The following XRCC4 variants were observed in gnomAD, a reference collection of about 807,000 sequenced individuals.
XRCC4 encodes DNA repair protein XRCC4.
Under a neutral mutation model 39.1 loss-of-function variants are expected in XRCC4, and 28 were observed. The ratio of observed to expected loss-of-function variants is 0.72; its 90% CI spans 0.53 to 0.98. XRCC4 has a LOEUF of 0.98. Among genes scored for constraint, XRCC4 ranks in the 50% least tolerant of loss-of-function variants. The pLI is 0.00. For missense variants in XRCC4, 350 were observed against 376.4 expected, an observed-to-expected ratio of 0.93 and a Z score of 0.58; for synonymous variants, 123 against 126.4, an observed-to-expected ratio of 0.97 and a Z score of 0.18.
intron 7 of XRCC4, among the ~76,000 whole-genome samples, chr5:83,312,989 A>C (rs934578163): frequency 1.4e-4 from 22 of 152,130 alleles, no homozygotes; most frequent in African/African-American, 5.3e-4. Context: ...GTTGGCACTC[A>C]AAGGGCAAAA....
At chr5:83,318,009 A>G (rs1755935107) in intron 7 of XRCC4, among the ~76,000 whole-genome samples, 2 of 126,812 alleles carry the variant, frequency 1.6e-5, no homozygotes, top group South Asian at 4.8e-4. Context: ...ATCCACCATG[A>G]TCAAGTGGGC....
rs970728151 is a variant in XRCC4, at chr5:83,352,985, T to C, written c.894-146T>C. The C allele has an allele frequency of 2.2e-5, 13 of 586,554 alleles. No homozygotes were observed. In the African/African-American group the frequency reaches 2.3e-4, roughly 10 times the overall value. The allele number at this position is 586,554 out of a possible 1,614,324, so 36.3% of individuals were successfully genotyped here. ...ATTAGTCTCTTTATCTCTTTCCTTA[T>C]AGTTAATAGCATAGAGAAATAAATC... On this transcript the variant is annotated intron_variant, in intron 7 of 7. Transcript: ENST00000396027.
intron 6 of XRCC4, among the ~76,000 whole-genome samples, chr5:83,224,361 T>C (rs1179207547): frequency 6.6e-6 from 1 of 152,164 alleles, no homozygotes; most frequent in East Asian, 1.9e-4. Flanking sequence ...TTTAAGCTGG[T>C]AGCAGCTTAA....
At chr5:83,162,923 CTTTTT>C (rs376434538) in intron 3 of XRCC4, among the ~76,000 whole-genome samples, 13 of 137,812 alleles carry the variant, frequency 9.4e-5, no homozygotes, top group African/African-American at 3.7e-4. Flanking sequence ...TTTCCTTTTT[CTTTTT>C]TTTTTCTTTT....
At position 83,268,770 on chromosome 5, in the gene XRCC4, A is replaced by C. The variant is rs532999510; in HGVS notation, c.893+10093A>C. Among the ~76,000 whole-genome samples, 3 of 152,292 alleles carry C rather than the reference A, an allele frequency of 2.0e-5. No homozygotes were observed. In the South Asian group the frequency reaches 6.2e-4, roughly 32 times the overall value. Reference sequence around the variant, plus strand: ...CTGTTATGGATGTAGTGCTGATTTTAAAGAGTATTTGCCCTAGGACCATGA... The same window carrying C: ...CTGTTATGGATGTAGTGCTGATTTTCAAGAGTATTTGCCCTAGGACCATGA... On this transcript the variant is annotated intron_variant, in intron 7 of 7. Transcript: ENST00000396027.
chr5:83,250,329 C>T (rs1448314789), intron 6 of XRCC4, among the ~76,000 whole-genome samples: 1 of 152,146 alleles, frequency 6.6e-6, no homozygotes, highest in Non-Finnish European at 1.5e-5. Flanking sequence ...GGAACTGGCA[C>T]CAGCAGGCAT....
At chr5:83,217,358 C>CAAAAAAAATAAAAAAAAAAAAA (rs1751901316) in intron 6 of XRCC4, among the ~76,000 whole-genome samples, 1 of 96,174 alleles carries the variant, frequency 1.0e-5, no homozygotes, top group African/African-American at 4.7e-5. Flanking sequence ...GACTCCGTCT[C>CAAAAAAAATAAAAAAAAAAAAA]AAAAAAAAAA....
At chr5:83,250,576 A>G (rs1218195484) in intron 6 of XRCC4, among the ~76,000 whole-genome samples, 2 of 152,234 alleles carry the variant, frequency 1.3e-5, no homozygotes, top group East Asian at 1.9e-4. Context: ...GATGAAATCT[A>G]AGGATGCTTG....
intron 3 of XRCC4, among the ~76,000 whole-genome samples, chr5:83,146,950 C>T (rs1748483473): frequency 6.6e-6 from 1 of 152,114 alleles, no homozygotes; most frequent in Admixed American, 6.5e-5. Context: ...AAGATATTTG[C>T]TGGAAGAGAG....
intron 5 of XRCC4, among the ~76,000 whole-genome samples, chr5:83,204,294 A>G (rs924630585): frequency 6.6e-6 from 1 of 152,184 alleles, no homozygotes; most frequent in Non-Finnish European, 1.5e-5. Context: ...GAATCTTAGT[A>G]GAAGTACAGA....
chr5:83,251,087 C>A (rs1561432772), intron 6 of XRCC4, among the ~76,000 whole-genome samples: 1 of 152,080 alleles, frequency 6.6e-6, no homozygotes, highest in Non-Finnish European at 1.5e-5. Context: ...TCAAGGAATG[C>A]CTCTGAAATT....
chr5:83,233,190 A>G (rs1444459653), intron 6 of XRCC4, among the ~76,000 whole-genome samples: 1 of 152,204 alleles, frequency 6.6e-6, no homozygotes. Flanking sequence ...GGATGCACAG[A>G]AAGGATCAAT....
intron 3 of XRCC4, among the ~76,000 whole-genome samples, chr5:83,125,426 A>C (rs1387411994): frequency 6.6e-6 from 1 of 152,174 alleles, no homozygotes; most frequent in Non-Finnish European, 1.5e-5. Flanking sequence ...TTTTACATTT[A>C]TATCTATAAT....
chr5:83,256,325 C>G (rs985812505), intron 6 of XRCC4, among the ~76,000 whole-genome samples: 1 of 152,138 alleles, frequency 6.6e-6, no homozygotes, highest in African/African-American at 2.4e-5. Context: ...AATCACTTCC[C>G]AAATACAGTA....
chr5:83,201,621 G>A (rs1350773265), intron 4 of XRCC4: 1 of 152,268 alleles, frequency 6.6e-6, no homozygotes, highest in Non-Finnish European at 1.5e-5. Context: ...CTCAGCCTCC[G>A]AGAAGAGAGA....
intron 7 of XRCC4, among the ~76,000 whole-genome samples, chr5:83,289,039 T>C (rs1754828051): frequency 6.6e-6 from 1 of 151,882 alleles, no homozygotes; most frequent in Non-Finnish European, 1.5e-5. Flanking sequence ...TTTCATTAAC[T>C]GTATTTATTC....
In XRCC4 at chr5:83,104,422, C is replaced by T. The variant is rs16900162; in HGVS notation, c.-10-488C>T. The stretch of plus-strand genomic sequence containing the variant: ...ATTTCTTTTGTGGTAGAAAAAAAGC[C>T]TATTGAATCTGGGGGAAAAGAAGTG... On this transcript the variant is annotated intron_variant, in intron 1 of 7. Coordinates refer to ENST00000396027, the MANE Select transcript of XRCC4 (RefSeq NM_003401.5). Among the ~76,000 whole-genome samples the T allele has an allele frequency of 2.9e-3, 447 of 152,222 alleles. 12 individuals carry two copies. In the East Asian group the frequency reaches 0.074, roughly 25 times the overall value.
At chr5:83,217,600 A>G (rs980203205) in intron 6 of XRCC4, among the ~76,000 whole-genome samples, 2 of 152,128 alleles carry the variant, frequency 1.3e-5, no homozygotes, top group African/African-American at 4.8e-5. Flanking sequence ...TTGAAGAATG[A>G]AGTAGAGCTG....
chr5:83,194,052 C>G (rs1336577757), intron 3 of XRCC4, among the ~76,000 whole-genome samples: 1 of 152,146 alleles, frequency 6.6e-6, no homozygotes, highest in Non-Finnish European at 1.5e-5. Flanking sequence ...TGTGCCTCAG[C>G]CTCCTGAGTA....
Sources: gnomAD v4.1 joint callset for allele counts (sites outside exome capture counted in the v4.1 genomes callset) on GRCh38, gnomAD v4.1.1 for gene constraint, MANE v1.5 for transcripts, NCBI Gene and HGNC (gene_info 2026-07-23, HGNC 2026-07-21) for gene names.